CTTNBP2NL: variants seen among roughly 807,000 people sequenced by gnomAD.
The protein encoded by CTTNBP2NL is CTTNBP2 N-terminal like.
A neutral mutation model predicts 32.5 loss-of-function variants in CTTNBP2NL; 16 were observed. The ratio of observed to expected loss-of-function variants is 0.49; its 90% CI spans 0.33 to 0.75. CTTNBP2NL has a LOEUF of 0.75. CTTNBP2NL is among the 30% of genes least tolerant of loss of function. The pLI is 0.02. For synonymous variants in CTTNBP2NL, 298 were observed against 289.4 expected (o/e 1.03, Z -0.30); for missense variants, 645 against 756.0 (o/e 0.85, Z 1.72).
Position 112,457,058 on chromosome 1 carries a change from C to T in CTTNBP2NL, c.1566C>T (p.Val522=), listed in dbSNP as rs1650390448. 1 of 1,614,188 alleles carries T rather than the reference C, an allele frequency of 6.2e-7. No individual in the cohort carries two copies. Among genetic ancestry groups the T allele is most frequent in the Non-Finnish European group, 8.5e-7 (1 of 1,180,034 alleles). Residue 522 remains valine (V), a synonymous_variant, in exon 6 of 6, where the codon GTC becomes GTT. Coordinates refer to ENST00000271277, the MANE Select transcript of CTTNBP2NL (RefSeq NM_018704.3). ...GCCAACAAGGGCCAATCAAGCCAGTCTCTCCCAACAGCTCTCCCTTTGGCA... is the reference window on the plus strand; with the variant it reads ...GCCAACAAGGGCCAATCAAGCCAGTTTCTCCCAACAGCTCTCCCTTTGGCA... ...FTSQQGPIKP[V]SPNSSPFGTD...
intron 5 of CTTNBP2NL, among the ~76,000 whole-genome samples, chr1:112,455,337 C>T (rs1284154815): frequency 6.6e-6 from 1 of 152,150 alleles, no homozygotes. Flanking sequence ...AAAACCCTGT[C>T]TCTACTAAAA....
intron 3 of CTTNBP2NL, among the ~76,000 whole-genome samples, chr1:112,425,552 T>G (rs1649368871): frequency 1.3e-5 from 2 of 152,140 alleles, no homozygotes; most frequent in South Asian, 4.1e-4. Flanking sequence ...ACTTATTAAT[T>G]CCAGTAGCTT....
rs1322505738 is a variant in CTTNBP2NL at position 112,454,565 on chromosome 1, G to C, written c.438+9G>C. The C allele has an allele frequency of 1.9e-6, 3 of 1,568,192 alleles. No individual in the cohort carries two copies. The South Asian group carries it at 3.3e-5, about 17-fold the overall frequency. On this transcript the variant is annotated intron_variant, in intron 5 of 5. Transcript: ENST00000271277. ...AGAGGCTGACTCAACAGGTAATTAA[G>C]GTAGAGGGATTCACAGTAGCATTTG...
At chr1:112,399,561 T>C (rs1387695541) in intron 1 of CTTNBP2NL, among the ~76,000 whole-genome samples, 1 of 152,148 alleles carries the variant, frequency 6.6e-6, no homozygotes, top group African/African-American at 2.4e-5. Flanking sequence ...AGAATCACAT[T>C]TGCAGTGCTA....
intron 3 of CTTNBP2NL, among the ~76,000 whole-genome samples, chr1:112,422,154 C>T (rs904964095): frequency 4.6e-5 from 7 of 152,106 alleles, no homozygotes; most frequent in Admixed American, 4.6e-4. Context: ...ACTCTCTGCC[C>T]CTTACCCCAA....
chr1:112,424,678 T>C lies in CTTNBP2NL; in HGVS notation c.99+8414T>C, dbSNP rs528223865. ...GCTATATCTCATCATTTATTTAGGT[T>C]GTCTTTAATTTCTCTCAGCAGTGCT... is the stretch of plus-strand genomic sequence containing the variant. On this transcript the variant is annotated intron_variant, in intron 3 of 5. Transcript: ENST00000271277. 2.0e-5 allele frequency among the ~76,000 whole-genome samples: 3 copies of C among 152,318 alleles called. No individual in the cohort carries two copies. In the East Asian group the frequency reaches 5.8e-4, roughly 29 times the overall value.
At position 112,457,098 on chromosome 1, in the gene CTTNBP2NL, C is replaced by T. The variant is rs200067424; in HGVS notation, c.1606C>T (p.Leu536=). ...TCCCTTTGGCACAGACTATCGAAAT[C>T]TAGCCAACACTGCCAATCCAAGAGG... ...SSPFGTDYRN[L]ANTANPRGDT... Residue 536 remains leucine, a synonymous_variant, in exon 6 of 6, where the codon CTA becomes TTA. Coordinates refer to ENST00000271277, the MANE Select transcript of CTTNBP2NL (RefSeq NM_018704.3). 7 of 1,614,190 alleles carry T rather than the reference C, an allele frequency of 4.3e-6. No homozygotes were observed. The highest frequency in any genetic ancestry group is 4.2e-6 in the Non-Finnish European group (5 of 1,180,048).
At chr1:112,441,000 T>G (rs1307631396) in intron 3 of CTTNBP2NL, among the ~76,000 whole-genome samples, 12 of 152,234 alleles carry the variant, frequency 7.9e-5, no homozygotes, top group Non-Finnish European at 1.3e-4. Context: ...ACATATAACT[T>G]GTTTCCTTAT....
At chr1:112,440,863 G>A (rs1002613044) in intron 3 of CTTNBP2NL, among the ~76,000 whole-genome samples, 2 of 152,114 alleles carry the variant, frequency 1.3e-5, no homozygotes, top group African/African-American at 4.8e-5. Context: ...TATGTAAAAA[G>A]CACACTGTTT....
At position 112,417,971 on chromosome 1, in the gene CTTNBP2NL, T is replaced by G. The variant is rs180815579; in HGVS notation, c.99+1707T>G. On this transcript the variant is annotated intron_variant, in intron 3 of 5. Coordinates refer to ENST00000271277, the MANE Select transcript of CTTNBP2NL (RefSeq NM_018704.3). ...ATGGCAACTTACCAATTTTCTTCCT[T>G]TTAATATTGGTTCTTAATTGATGCT... 6.6e-5 allele frequency among the ~76,000 whole-genome samples: 10 copies of G among 152,312 alleles called. No individual in the cohort carries two copies. In the East Asian group the frequency reaches 1.9e-3, roughly 29 times the overall value.
At chr1:112,419,428 T>C (rs1649160312) in intron 3 of CTTNBP2NL, among the ~76,000 whole-genome samples, 1 of 152,106 alleles carries the variant, frequency 6.6e-6, no homozygotes, top group African/African-American at 2.4e-5. Context: ...TGCCAAAATA[T>C]AGAAAACAAA....
At chr1:112,445,403 A>T (rs1650009424) in intron 3 of CTTNBP2NL, among the ~76,000 whole-genome samples, 1 of 152,034 alleles carries the variant, frequency 6.6e-6, no homozygotes, top group African/African-American at 2.4e-5. Context: ...TTTATTATTT[A>T]TACTGTTAAA....
At chr1:112,434,427 C>G (rs1367198569) in intron 3 of CTTNBP2NL, among the ~76,000 whole-genome samples, 2 of 152,144 alleles carry the variant, frequency 1.3e-5, no homozygotes, top group African/African-American at 4.8e-5. Flanking sequence ...TAATCAGGTG[C>G]TAAAACCTGT....
rs74945582 is a variant in CTTNBP2NL, at chr1:112,400,428, A to C, written c.-134+4156A>C. Reference sequence around the variant, plus strand: ...GTAATCACAGCACTTTTGGAGGCCGAAGCGGGTGGATCGCTTGAGGCCAGG... The same window carrying C: ...GTAATCACAGCACTTTTGGAGGCCGCAGCGGGTGGATCGCTTGAGGCCAGG... On this transcript the variant is annotated intron_variant, in intron 1 of 5. Coordinates refer to ENST00000271277, the MANE Select transcript of CTTNBP2NL (RefSeq NM_018704.3). Among the ~76,000 whole-genome samples, 586 of 152,316 alleles carry C rather than the reference A, an allele frequency of 3.8e-3. 5 individuals carry two copies. The highest frequency in any genetic ancestry group is 0.013 in the African/African-American group (551 of 41,578).
At chr1:112,398,569 T>C (rs1648397806) in intron 1 of CTTNBP2NL, among the ~76,000 whole-genome samples, 1 of 152,186 alleles carries the variant, frequency 6.6e-6, no homozygotes, top group East Asian at 1.9e-4. Flanking sequence ...ACTTGTTGTC[T>C]TCATTTAACT....
rs1269304347 is a variant in CTTNBP2NL, at chr1:112,459,407, C to G, written c.*1995C>G. 1 of 152,228 alleles carries G rather than the reference C, an allele frequency of 6.6e-6. No individual in the cohort carries two copies. Among genetic ancestry groups the G allele is most frequent in the Non-Finnish European group, 1.5e-5 (1 of 68,052 alleles). The allele number at this position is 152,228 out of a possible 1,614,324, so 9.4% of individuals were successfully genotyped here. A position where few individuals can be genotyped will look rare whatever the true frequency, so the allele number is the denominator to read the frequency against. On this transcript the variant is annotated 3_prime_UTR_variant, in exon 6 of 6. Coordinates refer to ENST00000271277, the MANE Select transcript of CTTNBP2NL (RefSeq NM_018704.3). ...TCACATACATTCTCTGAGCCAACATCTATCCAGCAGCCCTGACCTCCTGCT... is the reference window on the plus strand; with the variant it reads ...TCACATACATTCTCTGAGCCAACATGTATCCAGCAGCCCTGACCTCCTGCT...
At chr1:112,415,859 C>T (rs1445415464) in intron 2 of CTTNBP2NL, 3 of 310,206 alleles carry the variant, frequency 9.7e-6, no homozygotes, top group Admixed American at 5.3e-5. Context: ...CCAGCCCTAG[C>T]GGCTAATTCT....
chr1:112,429,785 T>G (rs528663011), intron 3 of CTTNBP2NL, among the ~76,000 whole-genome samples: 4 of 152,120 alleles, frequency 2.6e-5, no homozygotes, highest in Non-Finnish European at 5.9e-5. Flanking sequence ...TGAAAGATCT[T>G]TATATATAAT....
intron 3 of CTTNBP2NL, among the ~76,000 whole-genome samples, chr1:112,430,379 C>T (rs1241420579): frequency 3.3e-5 from 5 of 151,696 alleles, no homozygotes; most frequent in Admixed American, 2.6e-4. Context: ...GCTTGCACCA[C>T]GACACCCACC....
Sources: gnomAD v4.1 joint callset for allele counts (sites outside exome capture counted in the v4.1 genomes callset) on GRCh38, gnomAD v4.1.1 for gene constraint, MANE v1.5 for transcripts, NCBI Gene and HGNC (gene_info 2026-07-23, HGNC 2026-07-21) for gene names.